PHF20: variants seen among roughly 807,000 people sequenced by gnomAD.
The protein encoded by PHF20 is PHD finger protein 20, also known as glioma-expressed antigen 2.
PHF20 carries 23 observed loss-of-function variants against 113.5 expected under a neutral mutation model. The observed-to-expected ratio is 0.20, with a 90% CI of 0.15 to 0.29. PHF20 has a LOEUF of 0.29. Ranked by LOEUF, PHF20 falls within the 10% of genes least tolerant of loss-of-function variation. The pLI, the probability that PHF20 is intolerant of heterozygous loss-of-function variation, is 1.00. For synonymous variants in PHF20, 434 were observed against 457.3 expected, an observed-to-expected ratio of 0.95 and a Z score of 0.65; for missense variants, 943 against 1,219.6, an observed-to-expected ratio of 0.77 and a Z score of 3.38.
chr20:35,805,460 G>T (rs1427526337), intron 2 of PHF20, among the ~76,000 whole-genome samples: 1 of 150,998 alleles, frequency 6.6e-6, no homozygotes, highest in East Asian at 1.9e-4. Flanking sequence ...TCGGCTCACT[G>T]CAAGCTCCGC....
intron 1 of PHF20, among the ~76,000 whole-genome samples, chr20:35,780,551 CTT>C (rs71184082): frequency 6.1e-4 from 70 of 115,474 alleles, no homozygotes; most frequent in Admixed American, 1.4e-3. Context: ...TTTTTCTTTT[CTT>C]TTTTTTTTTT....
At position 35,899,786 on chromosome 20, in the gene PHF20, C is replaced by T. The variant is rs2147058191; in HGVS notation, c.1561+138C>T. ...CACAGGACTGAACATATTAAGTGATCCTCTGGGCTGTGCCACGGAGCTGTG... is the reference window on the plus strand; with the variant it reads ...CACAGGACTGAACATATTAAGTGATTCTCTGGGCTGTGCCACGGAGCTGTG... On this transcript the variant is annotated intron_variant, in intron 10 of 17. Transcript: ENST00000374012. 5 of 902,792 alleles carry T rather than the reference C, an allele frequency of 5.5e-6. No individual in the cohort carries two copies. The South Asian group carries it at 8.8e-5, about 16-fold the overall frequency. 55.9% of individuals were successfully genotyped at this position (902,792 alleles called of 1,614,324 possible).
At chr20:35,842,191 C>G (rs1285029073) in intron 2 of PHF20, among the ~76,000 whole-genome samples, 2 of 151,986 alleles carry the variant, frequency 1.3e-5, no homozygotes, top group African/African-American at 4.8e-5. Context: ...ACTAAAAATA[C>G]AAAAATTAGC....
At chr20:35,905,418 A>G (rs2055185068) in intron 10 of PHF20, among the ~76,000 whole-genome samples, 2 of 152,122 alleles carry the variant, frequency 1.3e-5, no homozygotes. Flanking sequence ...ATTTGGCAAT[A>G]ATTAAGTTTA....
chr20:35,903,599 C>T (rs1348416480), intron 10 of PHF20, among the ~76,000 whole-genome samples: 15 of 152,188 alleles, frequency 9.9e-5, no homozygotes, highest in Non-Finnish European at 1.5e-4. Context: ...GACAACATGG[C>T]GATTACCCAA....
At chr20:35,808,670 T>C (rs2041925103) in intron 2 of PHF20, among the ~76,000 whole-genome samples, 1 of 152,040 alleles carries the variant, frequency 6.6e-6, no homozygotes, top group African/African-American at 2.4e-5. Context: ...ACTCCTGGGT[T>C]CGTGCCATTC....
intron 9 of PHF20, among the ~76,000 whole-genome samples, chr20:35,889,364 T>G (rs954896465): frequency 2.0e-5 from 3 of 151,868 alleles, no homozygotes; most frequent in African/African-American, 7.3e-5. Context: ...TTATTTTTTA[T>G]TTTTATTTTT....
chr20:35,821,113 G>C (rs2042160596), intron 2 of PHF20, among the ~76,000 whole-genome samples: 1 of 152,044 alleles, frequency 6.6e-6, no homozygotes, highest in Non-Finnish European at 1.5e-5. Flanking sequence ...GTCATTGAAA[G>C]GTCTTAAACA....
At chr20:35,916,675 G>A (rs987841971) in intron 12 of PHF20, among the ~76,000 whole-genome samples, 2 of 152,060 alleles carry the variant, frequency 1.3e-5, no homozygotes, top group African/African-American at 4.8e-5. Context: ...CACCACGTTG[G>A]CCAGGCTGGT....
At chr20:35,854,690 C>A (rs1275541243) in intron 4 of PHF20, among the ~76,000 whole-genome samples, 1 of 152,112 alleles carries the variant, frequency 6.6e-6, no homozygotes, top group South Asian at 2.1e-4. Context: ...TCCCTTAGCA[C>A]CTTTGGCCAT....
chr20:35,942,611 C>T (rs913504850), intron 17 of PHF20, among the ~76,000 whole-genome samples: 5 of 152,172 alleles, frequency 3.3e-5, no homozygotes. Flanking sequence ...TCACAGATGA[C>T]CTCTTGTGTG....
At chr20:35,839,778 C>CA (rs1039028833) in intron 2 of PHF20, among the ~76,000 whole-genome samples, 30 of 152,142 alleles carry the variant, frequency 2.0e-4, no homozygotes, top group African/African-American at 7.0e-4. Context: ...CATACCCTTC[C>CA]AGTCCTCTGT....
intron 4 of PHF20, chr20:35,855,482 T>C (rs1198538801): frequency 6.5e-6 from 1 of 154,516 alleles, no homozygotes; most frequent in Non-Finnish European, 1.4e-5. Context: ...TTCTTTTTTT[T>C]ATATTTTTAA....
chr20:35,938,983 G>T lies in PHF20; in HGVS notation c.2587G>T (p.Ala863Ser). Reference protein sequence around the residue: ...QKLVVETRGSALDDAVNPLHE... With the variant: ...QKLVVETRGSSLDDAVNPLHE... ...GCTGGTGGTGGAGACGAGGGGCTCT[G>T]CCCTCGACGATGCGGTCAACCCCCT... The change falls in exon 16 of 18, where the codon GCC becomes TCC. Residue 863 changes from alanine to serine, a missense_variant. Around this residue, in one of 3 missense-constraint regions of PHF20, gnomAD observed 349 missense variants for 412.3 expected, o/e 0.85. Transcript: ENST00000374012. 6.2e-7 allele frequency: 1 copy of T among 1,614,138 alleles called. No homozygotes were observed. Among genetic ancestry groups the T allele is most frequent in the East Asian group, 2.2e-5 (1 of 44,864 alleles).
At chr20:35,807,396 A>AGGCT (rs1231524954) in intron 2 of PHF20, among the ~76,000 whole-genome samples, 8 of 132,774 alleles carry the variant, frequency 6.0e-5, no homozygotes, top group African/African-American at 2.3e-4. Context: ...TCTGTCACCC[A>AGGCT]GGCTAAAGTG....
intron 12 of PHF20, among the ~76,000 whole-genome samples, chr20:35,916,050 A>G (rs2055397947): frequency 6.6e-6 from 1 of 152,168 alleles, no homozygotes; most frequent in Admixed American, 6.5e-5. Flanking sequence ...GGTGGGAGGA[A>G]CACCTCAGCC....
At chr20:35,790,804 G>A (rs753931253) in intron 1 of PHF20, among the ~76,000 whole-genome samples, 20 of 152,050 alleles carry the variant, frequency 1.3e-4, no homozygotes, top group Non-Finnish European at 2.2e-4. Context: ...CAAATGCTGC[G>A]CTGAGTACCT....
intron 1 of PHF20, among the ~76,000 whole-genome samples, chr20:35,791,560 TA>T (rs1481139703): frequency 1.4e-5 from 2 of 147,246 alleles, no homozygotes; most frequent in African/African-American, 2.5e-5. Context: ...TATATATATA[TA>T]TCTTAGAATT....
intron 1 of PHF20, among the ~76,000 whole-genome samples, chr20:35,791,843 T>C (rs2041562645): frequency 6.6e-6 from 1 of 152,036 alleles, no homozygotes; most frequent in Admixed American, 6.6e-5. Flanking sequence ...GAAGTGCCCA[T>C]GTTTCTAGTT....
Sources: gnomAD v4.1 joint callset for allele counts (sites outside exome capture counted in the v4.1 genomes callset) on GRCh38, gnomAD v4.1.1 for gene constraint, gnomAD v4.1.1 regional missense constraint, MANE v1.5 for transcripts, NCBI Gene and HGNC (gene_info 2026-07-23, HGNC 2026-07-21) for gene names.